Variants in PPM1L observed in about 807,000 individuals in gnomAD.
PPM1L encodes the protein protein phosphatase, Mg2+/Mn2+ dependent 1L.
A neutral mutation model predicts 31.4 loss-of-function variants in PPM1L; 13 were observed. That is an observed-to-expected ratio of 0.41 (90% CI 0.27 to 0.66). The LOEUF (loss-of-function observed/expected upper bound fraction) is 0.66. PPM1L is among the 30% of genes least tolerant of loss of function. PPM1L has a pLI of 0.29. For synonymous variants in PPM1L, 184 were observed against 175.4 expected (o/e 1.05, Z -0.39); for missense variants, 326 against 453.7 (o/e 0.72, Z 2.56).
rs140457474 is a variant in PPM1L at position 160,793,782 on chromosome 3, A to G, written c.399+37075A>G. On this transcript the variant is annotated intron_variant, in intron 1 of 3. Transcript: ENST00000498165. ...GTAAAACAAAGGTGCATTCCAGAGA[A>G]CAATGGCAGGGTTCCAGCAAAAGTT... 6.7e-3 allele frequency among the ~76,000 whole-genome samples: 1,026 copies of G among 152,302 alleles called. 12 individuals carry two copies. The highest frequency in any genetic ancestry group is 0.024 in the African/African-American group (985 of 41,568).
chr3:161,060,396 G>A (rs1576624185), intron 2 of PPM1L, among the ~76,000 whole-genome samples: 1 of 152,158 alleles, frequency 6.6e-6, no homozygotes, highest in Non-Finnish European at 1.5e-5. Context: ...TTAGCTAGGG[G>A]CCAGGTCATG....
chr3:160,894,059 G>T (rs1454847416), intron 1 of PPM1L, among the ~76,000 whole-genome samples: 1 of 152,078 alleles, frequency 6.6e-6, no homozygotes, highest in African/African-American at 2.4e-5. Context: ...CAGTAGGTTA[G>T]GTATATTAAA....
chr3:161,077,225 T>C lies in PPM1L; in HGVS notation c.*8068T>C, dbSNP rs559629038. 2 of 152,356 alleles carry C rather than the reference T, an allele frequency of 1.3e-5. No homozygotes were observed. Among genetic ancestry groups the C allele is most frequent in the African/African-American group, 4.8e-5 (2 of 41,584 alleles). 9.4% of individuals were successfully genotyped at this position (152,356 alleles called of 1,614,324 possible). The stretch of plus-strand genomic sequence containing the variant: ...ATTTCTCACATATAAGAGTAAGTGA[T>C]ATGAGATTGGGAATTTCTTGCCAAC... On this transcript the variant is annotated 3_prime_UTR_variant, in exon 4 of 4. Coordinates refer to ENST00000498165, the MANE Select transcript of PPM1L (RefSeq NM_139245.4).
intron 2 of PPM1L, among the ~76,000 whole-genome samples, chr3:160,968,921 A>G (rs528200968): frequency 2.6e-5 from 4 of 152,212 alleles, no homozygotes; most frequent in Admixed American, 1.3e-4. Flanking sequence ...CTGTTCTTAC[A>G]GTTTGGCTAG....
chr3:161,036,041 G>GA (rs1374409278), intron 2 of PPM1L: 1 of 152,106 alleles, frequency 6.6e-6, no homozygotes, highest in African/African-American at 2.4e-5. Flanking sequence ...GATTTCCTAA[G>GA]AAAGAAAAGA....
At chr3:161,064,207 A>C (rs1405434500) in intron 2 of PPM1L, among the ~76,000 whole-genome samples, 1 of 151,428 alleles carries the variant, frequency 6.6e-6, no homozygotes, top group East Asian at 1.9e-4. Flanking sequence ...AAAAGAATTC[A>C]GTGTTTTTTT....
At chr3:161,021,594 C>T (rs1378352564) in intron 2 of PPM1L, among the ~76,000 whole-genome samples, 5 of 151,990 alleles carry the variant, frequency 3.3e-5, no homozygotes, top group African/African-American at 9.6e-5. Flanking sequence ...TCTTCTGCCT[C>T]GTTCTATCTA....
chr3:160,856,790 C>T (rs983612443), intron 1 of PPM1L, among the ~76,000 whole-genome samples: 1 of 151,678 alleles, frequency 6.6e-6, no homozygotes, highest in East Asian at 1.9e-4. Context: ...TGCATGTGTA[C>T]CCTGAACTAC....
At chr3:161,034,106 C>T (rs1278469656) in intron 2 of PPM1L, among the ~76,000 whole-genome samples, 1 of 152,158 alleles carries the variant, frequency 6.6e-6, no homozygotes, top group Non-Finnish European at 1.5e-5. Flanking sequence ...CTCATCATCA[C>T]TGGTCATTAG....
intron 2 of PPM1L, among the ~76,000 whole-genome samples, chr3:160,963,184 C>G (rs1716021419): frequency 6.6e-6 from 1 of 151,896 alleles, no homozygotes; most frequent in South Asian, 2.1e-4. Flanking sequence ...ACTTCTTGCC[C>G]CTGTGACCAT....
chr3:160,892,801 ATAAATT>A (rs1298784205), intron 1 of PPM1L, among the ~76,000 whole-genome samples: 1 of 152,226 alleles, frequency 6.6e-6, no homozygotes, highest in Non-Finnish European at 1.5e-5. Flanking sequence ...CAGAGAAAAG[ATAAATT>A]TAAAGATTTT....
chr3:160,954,719 C>T (rs1002450944), intron 1 of PPM1L, among the ~76,000 whole-genome samples: 4 of 152,036 alleles, frequency 2.6e-5, no homozygotes, highest in African/African-American at 7.2e-5. Flanking sequence ...TCTTTTATAA[C>T]ACAATTTTTA....
intron 1 of PPM1L, among the ~76,000 whole-genome samples, chr3:160,821,762 C>G (rs1006320429): frequency 6.6e-6 from 1 of 151,696 alleles, no homozygotes; most frequent in Non-Finnish European, 1.5e-5. Flanking sequence ...TTGTGGACTT[C>G]TTTATCTTTA....
rs201191337 is a variant in PPM1L, at chr3:160,776,956, T to TG, written c.399+20251dup. On this transcript the variant is annotated intron_variant, in intron 1 of 3. Coordinates refer to ENST00000498165, the MANE Select transcript of PPM1L (RefSeq NM_139245.4). ...AAGGTTTGTCAGATTAATCTCATCA[T>TG]GGAATCAGAGAAGATTAATACTATG... Among the ~76,000 whole-genome samples the TG allele has an allele frequency of 6.8e-3, 1,026 of 151,852 alleles. 12 individuals are homozygous for TG. Among genetic ancestry groups the TG allele is most frequent in the African/African-American group, 0.024 (986 of 41,474 alleles).
intron 1 of PPM1L, among the ~76,000 whole-genome samples, chr3:160,924,555 G>T (rs768875794): frequency 2.6e-5 from 4 of 152,142 alleles, no homozygotes; most frequent in Non-Finnish European, 5.9e-5. Flanking sequence ...ACCTACCATT[G>T]TTCTCCAGGA....
intron 1 of PPM1L, among the ~76,000 whole-genome samples, chr3:160,819,910 A>G (rs915434379): frequency 1.3e-5 from 2 of 152,046 alleles, no homozygotes; most frequent in African/African-American, 4.8e-5. Flanking sequence ...ATTGTTATTT[A>G]TATACTAATA....
At chr3:161,049,652 A>G (rs1719207776) in intron 2 of PPM1L, among the ~76,000 whole-genome samples, 1 of 152,236 alleles carries the variant, frequency 6.6e-6, no homozygotes, top group African/African-American at 2.4e-5. Flanking sequence ...TAATAATCCC[A>G]TGTACCTTGC....
chr3:160,880,636 A>G (rs1365074438), intron 1 of PPM1L, among the ~76,000 whole-genome samples: 2 of 152,160 alleles, frequency 1.3e-5, no homozygotes, highest in Non-Finnish European at 2.9e-5. Flanking sequence ...GGTTAAAAAA[A>G]AAAAAAGTCA....
At chr3:160,785,959 T>C (rs1711902463) in intron 1 of PPM1L, among the ~76,000 whole-genome samples, 1 of 151,002 alleles carries the variant, frequency 6.6e-6, no homozygotes, top group Admixed American at 6.6e-5. Flanking sequence ...TGATAGATAC[T>C]GCCAAACTCC....
Sources: allele counts gnomAD v4.1 joint callset (sites outside exome capture counted in the v4.1 genomes callset), GRCh38; gene constraint gnomAD v4.1.1; transcripts MANE v1.5; gene names NCBI Gene and HGNC (gene_info 2026-07-23, HGNC 2026-07-21).